TAF5: variants seen among roughly 807,000 people sequenced by gnomAD.
TAF5 encodes transcription initiation factor TFIID subunit 5.
Under a neutral mutation model 80.9 loss-of-function variants are expected in TAF5, and 20 were observed. The ratio of observed to expected loss-of-function variants is 0.25; its 90% CI spans 0.17 to 0.36. TAF5 has a LOEUF of 0.36. TAF5 is among the 10% of genes least tolerant of loss of function. The pLI is 1.00. For synonymous variants in TAF5, 388 were observed against 406.4 expected, an observed-to-expected ratio of 0.95 and a Z score of 0.55; for missense variants, 863 against 1,029.4, an observed-to-expected ratio of 0.84 and a Z score of 2.21.
At chr10:103,387,099 T>G in intron 8 of TAF5, 76 bp from the exon 9 acceptor site, 2 of 1,422,030 alleles carry the variant, frequency 1.4e-6, no homozygotes, top group South Asian at 1.4e-5. Context: ...GTTTCTGTAT[T>G]TATTTTGTAT....
rs1384228488 is a variant in TAF5, at chr10:103,385,906, CAA to C, written c.1829+417_1829+418del. On this transcript the variant is annotated intron_variant, in intron 8 of 10. Transcript: ENST00000369839. Reference sequence around the variant, plus strand: ...CACCATTGCACTCCAGCCTAGGGGACAAGAGCGAGACTTCATCTCAAAAAAAA... The same window carrying C: ...CACCATTGCACTCCAGCCTAGGGGACGAGCGAGACTTCATCTCAAAAAAAA... 2.7e-3 allele frequency among the ~76,000 whole-genome samples: 250 copies of C among 92,622 alleles called. 2 individuals are homozygous for C. The highest frequency in any genetic ancestry group is 0.031 in the Middle Eastern group (2 of 64). 60.8% of individuals were successfully genotyped at this position (92,622 alleles called of 152,430 possible).
In TAF5 at chr10:103,387,994, A is replaced by G. The variant is rs2093401678; in HGVS notation, c.2186-12A>G. The G allele has an allele frequency of 1.9e-6, 3 of 1,609,224 alleles. No homozygotes were observed. The highest frequency in any genetic ancestry group is 2.6e-6 in the Non-Finnish European group (3 of 1,176,112). ...TGGATGCAACTAATGGTTTCCTTTG[A>G]CTTCCCCTTAGGTTCAATGGATAAT... On this transcript the variant is annotated splice_polypyrimidine_tract_variant and intron_variant, in intron 10 of 10. Coordinates refer to ENST00000369839, the MANE Select transcript of TAF5 (RefSeq NM_006951.5).
At chr10:103,385,751 C>G (rs1224509715) in intron 8 of TAF5, among the ~76,000 whole-genome samples, 2 of 151,298 alleles carry the variant, frequency 1.3e-5, no homozygotes, top group Admixed American at 6.6e-5. Context: ...ATGGTGGAAC[C>G]CCGTCTCTAC....
intron 1 of TAF5, among the ~76,000 whole-genome samples, chr10:103,371,200 G>GCCAT (rs987053333): frequency 6.7e-6 from 1 of 149,078 alleles, no homozygotes; most frequent in African/African-American, 2.5e-5. Context: ...CTGAGATCAA[G>GCCAT]CCATTGTGCT....
At chr10:103,369,070 C>T (rs1048313550) in intron 1 of TAF5, among the ~76,000 whole-genome samples, 3 of 151,508 alleles carry the variant, frequency 2.0e-5, no homozygotes, top group African/African-American at 7.3e-5. Flanking sequence ...CCTCCGCCTC[C>T]CGGGTTCAAG....
intron 1 of TAF5, among the ~76,000 whole-genome samples, chr10:103,368,977 T>C (rs1340842755): frequency 3.7e-5 from 5 of 135,196 alleles, no homozygotes; most frequent in Admixed American, 8.1e-5. Flanking sequence ...ATAAATACTT[T>C]ATAGATTTTT....
Position 103,381,782 on chromosome 10 carries a change from C to G in TAF5, c.1475C>G (p.Ser492Ter), listed in dbSNP as rs966930210. The G allele has an allele frequency of 2.5e-6, 4 of 1,614,028 alleles. No homozygotes were observed. Among genetic ancestry groups the G allele is most frequent in the Non-Finnish European group, 3.4e-6 (4 of 1,180,038 alleles). Residue 492 changes from serine to a stop codon, truncating the protein, a stop_gained, in exon 6 of 11, where the codon TCA (serine) becomes TGA (stop). Transcript: ENST00000369839. LOFTEE classifies it high-confidence loss of function. Reference sequence around the variant, plus strand: ...CTGATTGCTGGAGGTTTTGCAGATTCAACTGTCAGAGTGTGGTCGGTAACA... The same window carrying G: ...CTGATTGCTGGAGGTTTTGCAGATTGAACTGTCAGAGTGTGGTCGGTAACA... ...SSLIAGGFAD[S>*]TVRVWSVTPK...
intron 8 of TAF5, 61 bp from the exon 9 acceptor site, chr10:103,387,114 T>G: frequency 1.3e-6 from 2 of 1,496,898 alleles, no homozygotes; most frequent in Admixed American, 2.0e-5. Flanking sequence ...TTGTATAGAT[T>G]TTTGGCGTTT....
In TAF5 at chr10:103,375,438, G is replaced by C. The variant is rs181612430; in HGVS notation, c.797+1843G>C. Among the ~76,000 whole-genome samples the C allele has an allele frequency of 9.9e-5, 15 of 152,246 alleles. No homozygotes were observed. In the East Asian group the frequency reaches 2.5e-3, roughly 25 times the overall value. On this transcript the variant is annotated intron_variant, in intron 2 of 10. Transcript: ENST00000369839. ...GATAGGGGAGCCAATTCCTGACACAGAAAACCCTAGAAGAGGACTTGATTT... is the reference window on the plus strand; with the variant it reads ...GATAGGGGAGCCAATTCCTGACACACAAAACCCTAGAAGAGGACTTGATTT...
In TAF5 at chr10:103,378,658, T is replaced by G. The variant is rs1278088493; in HGVS notation, c.1113+108T>G. ...TTATAGCTAGCTTGGAAACAATTTT[T>G]TTCGTTTGTTTGTTTTGAGACGGAG... On this transcript the variant is annotated intron_variant, in intron 3 of 10. Coordinates refer to ENST00000369839, the MANE Select transcript of TAF5 (RefSeq NM_006951.5). The surrounding 1 kb of genome is among the most constrained non-coding windows in gnomAD (Gnocchi z 4.1). 2.3e-6 allele frequency: 3 copies of G among 1,311,728 alleles called. No individual in the cohort carries two copies. The African/African-American group carries it at 4.5e-5, about 19-fold the overall frequency. The allele number at this position is 1,311,728 out of a possible 1,614,324, so 81.3% of individuals were successfully genotyped here.
intron 1 of TAF5, among the ~76,000 whole-genome samples, chr10:103,370,324 G>GATT (rs1210942109): frequency 4.3e-5 from 6 of 138,038 alleles, no homozygotes; most frequent in Non-Finnish European, 7.7e-5. Flanking sequence ...TGGTTATGAG[G>GATT]CTTTTTTTTT....
chr10:103,379,145 C>T (rs140641722), intron 3 of TAF5, among the ~76,000 whole-genome samples: 1 of 152,140 alleles, frequency 6.6e-6, no homozygotes, highest in African/African-American at 2.4e-5. Flanking sequence ...CTCCACAGTG[C>T]CATCAAGGTC....
rs1012939177 is a variant in TAF5, at chr10:103,374,951, C to T, written c.797+1356C>T. Among the ~76,000 whole-genome samples the T allele has an allele frequency of 1.3e-5, 2 of 151,738 alleles. No individual in the cohort carries two copies. The highest frequency in any genetic ancestry group is 2.9e-5 in the Non-Finnish European group (2 of 67,916). On this transcript the variant is annotated intron_variant, in intron 2 of 10. Transcript: ENST00000369839. This position sits in a 1 kb window ranked among gnomAD's most constrained non-coding sequence, Gnocchi z 4.3. The stretch of plus-strand genomic sequence containing the variant: ...AGACCAGCCTGGTGAGACCTAGTCT[C>T]TTCAAAAAAATGCAAAAATTAGCTG...
rs1307640145 is a variant in TAF5 at position 103,385,921 on chromosome 10, A to C, written c.1829+431A>C. On this transcript the variant is annotated intron_variant, in intron 8 of 10. Coordinates refer to ENST00000369839, the MANE Select transcript of TAF5 (RefSeq NM_006951.5). ...GCCTAGGGGACAAGAGCGAGACTTCATCTCAAAAAAAAAAAAAAAAAAAAA... is the reference window on the plus strand; with the variant it reads ...GCCTAGGGGACAAGAGCGAGACTTCCTCTCAAAAAAAAAAAAAAAAAAAAA... Among the ~76,000 whole-genome samples the C allele has an allele frequency of 4.4e-5, 5 of 114,848 alleles. No individual in the cohort carries two copies. In the Admixed American group the frequency reaches 5.0e-4, roughly 12 times the overall value. 75.3% of individuals were successfully genotyped at this position (114,848 alleles called of 152,430 possible). A position where few individuals can be genotyped will look rare whatever the true frequency, so the allele number is the denominator to read the frequency against.
chr10:103,385,343 C>G lies in TAF5; in HGVS notation c.1682C>G (p.Ser561Cys). Reference protein sequence around the residue: ...FSPDRNYLLSSSEDGTVRLWS... With the variant: ...FSPDRNYLLSCSEDGTVRLWS... ...TCTCTCAGGAACTATCTGCTTTCCT[C>G]TTCAGAGGACGGAACTGTTAGATTG... Residue 561 changes from serine to cysteine, a missense_variant, in exon 8 of 11, where the codon TCT becomes TGT. Coordinates refer to ENST00000369839, the MANE Select transcript of TAF5 (RefSeq NM_006951.5). The G allele has an allele frequency of 6.2e-7, 1 of 1,610,900 alleles. No individual in the cohort carries two copies. The highest frequency in any genetic ancestry group is 1.3e-5 in the African/African-American group (1 of 74,994).
chr10:103,370,886 A>G (rs2093358033), intron 1 of TAF5, among the ~76,000 whole-genome samples: 1 of 152,174 alleles, frequency 6.6e-6, no homozygotes, highest in African/African-American at 2.4e-5. Context: ...CCAGAAATGA[A>G]GTATTCATAC....
rs376635593 is a variant in TAF5, at chr10:103,373,410, C to T, written c.612C>T (p.Ala204=). Residue 204 remains alanine (A), a synonymous_variant, in exon 2 of 11, where the codon GCC becomes GCT. Coordinates refer to ENST00000369839, the MANE Select transcript of TAF5 (RefSeq NM_006951.5). ...CAGATGTCAGTGCCGTGTTGTCAGCCTACAACCAACAAGGAGATCCCACAA... is the reference window on the plus strand; with the variant it reads ...CAGATGTCAGTGCCGTGTTGTCAGCTTACAACCAACAAGGAGATCCCACAA... ...DQPDVSAVLS[A]YNQQGDPTMY... The T allele has an allele frequency of 6.8e-6, 11 of 1,614,094 alleles. No homozygotes were observed. Among genetic ancestry groups the T allele is most frequent in the East Asian group, 6.7e-5 (3 of 44,878 alleles).
intron 1 of TAF5, among the ~76,000 whole-genome samples, chr10:103,370,835 A>G (rs974325223): frequency 2.0e-5 from 3 of 152,254 alleles, no homozygotes; most frequent in Non-Finnish European, 2.9e-5. Flanking sequence ...CAGAGCTTTT[A>G]GCCAAATTAG....
Position 103,381,762 on chromosome 10 carries a change from T to A in TAF5, c.1455T>A (p.Ile485=). The A allele has an allele frequency of 6.2e-7, 1 of 1,614,186 alleles. No individual in the cohort carries two copies. ...ATGTCACTGATGATTCTAGTCTGATTGCTGGAGGTTTTGCAGATTCAACTG... is the reference window on the plus strand; with the variant it reads ...ATGTCACTGATGATTCTAGTCTGATAGCTGGAGGTTTTGCAGATTCAACTG... The part of the protein sequence containing the change: ...AVDVTDDSSL[I]AGGFADSTVR... Residue 485 remains isoleucine, a synonymous_variant, in exon 6 of 11, where the codon ATT becomes ATA. Coordinates refer to ENST00000369839, the MANE Select transcript of TAF5 (RefSeq NM_006951.5).
Sources: allele counts gnomAD v4.1 joint callset (sites outside exome capture counted in the v4.1 genomes callset), GRCh38; gene constraint gnomAD v4.1.1; non-coding constraint Gnocchi (gnomAD v3.1); transcripts MANE v1.5; gene names NCBI Gene and HGNC (gene_info 2026-07-23, HGNC 2026-07-21).